NAALAD2: variants seen among roughly 807,000 people sequenced by gnomAD.
NAALAD2 encodes N-acetylated alpha-linked acidic dipeptidase 2, also known as N-acetylated-alpha-linked acidic dipeptidase 2.
NAALAD2 carries 89 observed loss-of-function variants against 95.6 expected under a neutral mutation model. The ratio of observed to expected loss-of-function variants is 0.93; its 90% CI spans 0.78 to 1.11. The LOEUF is 1.11. NAALAD2 is among the 50% of genes least tolerant of loss of function. The probability of loss-of-function intolerance (pLI) is 0.00; values close to 1 mark genes in which losing one functional copy is unlikely to be tolerated. For synonymous variants in NAALAD2, 264 were observed against 294.4 expected (o/e 0.90, Z 1.06); for missense variants, 894 against 872.4 (o/e 1.02, Z -0.31).
chr11:90,161,688 T>C (rs191159702), intron 8 of NAALAD2, among the ~76,000 whole-genome samples: 3 of 152,310 alleles, frequency 2.0e-5, no homozygotes, highest in African/African-American at 7.2e-5. Flanking sequence ...TCTTAGCAGA[T>C]AGCCTATGTT....
chr11:90,142,681 CTTG>C (rs1178550019), intron 2 of NAALAD2, among the ~76,000 whole-genome samples: 3 of 152,060 alleles, frequency 2.0e-5, no homozygotes, highest in African/African-American at 7.2e-5. Context: ...TAACCTCTGC[CTTG>C]TGAGTATTTA....
At chr11:90,155,048 T>A (rs1183686735) in intron 6 of NAALAD2, among the ~76,000 whole-genome samples, 2 of 127,110 alleles carry the variant, frequency 1.6e-5, no homozygotes, top group East Asian at 2.1e-4. Context: ...TGTGTGTATA[T>A]ATTATATACA....
chr11:90,157,184 T>G (rs1310346284), intron 6 of NAALAD2, among the ~76,000 whole-genome samples: 1 of 152,190 alleles, frequency 6.6e-6, no homozygotes, highest in African/African-American at 2.4e-5. Context: ...GTTTCAGCAG[T>G]CAATTATCTC....
At chr11:90,164,093 C>A in intron 11 of NAALAD2, 1 of 182,752 alleles carries the variant, frequency 5.5e-6, no homozygotes, top group Non-Finnish European at 1.1e-5. Flanking sequence ...AAATGGCAAC[C>A]ATAAGTATAC....
intron 6 of NAALAD2, among the ~76,000 whole-genome samples, chr11:90,155,471 T>C (rs180850061): frequency 0.039 from 4,288 of 109,456 alleles, 109 homozygotes; most frequent in Non-Finnish European, 0.056. Flanking sequence ...ATATTACATA[T>C]ACATGTATAT....
intron 11 of NAALAD2, among the ~76,000 whole-genome samples, chr11:90,168,034 A>C (rs1952526393): frequency 6.6e-6 from 1 of 151,800 alleles, no homozygotes; most frequent in South Asian, 2.1e-4. Flanking sequence ...GCTGCTGCTG[A>C]CTCCTTGGGT....
intron 13 of NAALAD2, among the ~76,000 whole-genome samples, chr11:90,170,570 C>T (rs576085828): frequency 3.3e-5 from 5 of 152,214 alleles, no homozygotes; most frequent in Admixed American, 6.5e-5. Context: ...TCACTGAATT[C>T]GAAGACTTTG....
At chr11:90,147,073 T>C (rs541035142) in intron 2 of NAALAD2, among the ~76,000 whole-genome samples, 2 of 152,290 alleles carry the variant, frequency 1.3e-5, no homozygotes, top group South Asian at 4.2e-4. Context: ...TCATCTCATA[T>C]CTGAGCCTTT....
At chr11:90,151,963 T>G (rs1951898895) in intron 5 of NAALAD2, among the ~76,000 whole-genome samples, 1 of 152,162 alleles carries the variant, frequency 6.6e-6, no homozygotes, top group African/African-American at 2.4e-5. Flanking sequence ...ATAGGAGAGA[T>G]AGATATTTAA....
upstream of NAALAD2, among the ~76,000 whole-genome samples, chr11:90,133,631 G>A (rs1951388039): frequency 6.6e-6 from 1 of 152,194 alleles, no homozygotes; most frequent in South Asian, 2.1e-4. Context: ...GAGAATGTGT[G>A]TATAATTTTA....
chr11:90,173,707 A>G, intron 13 of NAALAD2, 117 bp from the exon 14 acceptor site: 1 of 616,326 alleles, frequency 1.6e-6, no homozygotes, highest in East Asian at 3.1e-5. Flanking sequence ...GTATAAATAT[A>G]TACATGTACA....
chr11:90,149,807 G>A lies in NAALAD2; in HGVS notation c.484-675G>A, dbSNP rs578004549. 2.0e-5 allele frequency among the ~76,000 whole-genome samples: 3 copies of A among 152,182 alleles called. No individual in the cohort carries two copies. In the South Asian group the frequency reaches 6.2e-4, roughly 32 times the overall value. On this transcript the variant is annotated intron_variant, in intron 4 of 18. Coordinates refer to ENST00000534061, the MANE Select transcript of NAALAD2 (RefSeq NM_005467.4). Reference sequence around the variant, plus strand: ...GAATATTTTATGGATTCATAGATAGGATTTTATAGATCATACCATAGAGGT... The same window carrying A: ...GAATATTTTATGGATTCATAGATAGAATTTTATAGATCATACCATAGAGGT...
chr11:90,162,909 A>G, intron 8 of NAALAD2, 40 bp from the exon 9 acceptor site: 130 of 1,104,882 alleles, frequency 1.2e-4, no homozygotes, highest in Non-Finnish European at 1.6e-4. Flanking sequence ...AAAAAACATA[A>G]TTTGCTGTAC....
At chr11:90,178,544 G>C (rs1331044443) in intron 16 of NAALAD2, among the ~76,000 whole-genome samples, 1 of 151,916 alleles carries the variant, frequency 6.6e-6, no homozygotes, top group African/African-American at 2.4e-5. Context: ...GGTGGTGGGC[G>C]CCTGTAGTCT....
intron 18 of NAALAD2, among the ~76,000 whole-genome samples, chr11:90,185,016 G>T (rs987519561): frequency 6.6e-6 from 1 of 152,066 alleles, no homozygotes; most frequent in Non-Finnish European, 1.5e-5. Context: ...GGGAGGACTT[G>T]TATATGTCAT....
intron 11 of NAALAD2, among the ~76,000 whole-genome samples, chr11:90,165,248 C>A (rs1565532566): frequency 6.6e-6 from 1 of 152,154 alleles, no homozygotes; most frequent in Admixed American, 6.5e-5. Context: ...GAATTCATGT[C>A]TTTGCTATTA....
intron 2 of NAALAD2, among the ~76,000 whole-genome samples, chr11:90,142,168 AT>A (rs1227139754): frequency 1.3e-5 from 2 of 151,744 alleles, no homozygotes; most frequent in Non-Finnish European, 2.9e-5. Flanking sequence ...TGATCATATG[AT>A]TTTTCTTTTT....
intron 11 of NAALAD2, among the ~76,000 whole-genome samples, chr11:90,165,061 A>C (rs1297049507): frequency 6.6e-6 from 1 of 152,174 alleles, no homozygotes; most frequent in African/African-American, 2.4e-5. Context: ...ATAAGTGAGA[A>C]CATGTGGTAT....
intron 11 of NAALAD2, among the ~76,000 whole-genome samples, chr11:90,168,399 C>T (rs1367585126): frequency 6.6e-6 from 1 of 152,224 alleles, no homozygotes; most frequent in Non-Finnish European, 1.5e-5. Flanking sequence ...CCCGGGTACT[C>T]CGGAGGCTGA....
Sources: gnomAD v4.1 joint callset for allele counts (sites outside exome capture counted in the v4.1 genomes callset) on GRCh38, gnomAD v4.1.1 for gene constraint, MANE v1.5 for transcripts, NCBI Gene and HGNC (gene_info 2026-07-23, HGNC 2026-07-21) for gene names.